The following MAST4 variants were observed in gnomAD, a reference collection of about 807,000 sequenced individuals.
MAST4 encodes microtubule associated serine/threonine kinase family member 4, also known as microtubule-associated serine/threonine-protein kinase 4.
In MAST4, 89 loss-of-function variants were observed where a neutral mutation model predicts 162.7. The ratio of observed to expected loss-of-function variants is 0.55; its 90% CI spans 0.46 to 0.65. The LOEUF is 0.65. Among genes scored for constraint, MAST4 ranks in the 30% least tolerant of loss-of-function variants. MAST4 has a pLI of 0.00. For synonymous variants in MAST4, 1,479 were observed against 1,361.1 expected, an observed-to-expected ratio of 1.09 and a Z score of -1.91; for missense variants, 3,153 against 3,374.0, an observed-to-expected ratio of 0.93 and a Z score of 1.62.
chr5:66,909,216 T>C (rs1394863549), intron 4 of MAST4, among the ~76,000 whole-genome samples: 3 of 152,140 alleles, frequency 2.0e-5, no homozygotes, highest in African/African-American at 2.4e-5. Context: ...CTTTCACTTG[T>C]ACCCTGCGTT....
intron 1 of MAST4, among the ~76,000 whole-genome samples, chr5:66,690,324 G>C (rs1748959230): frequency 6.6e-6 from 1 of 152,076 alleles, no homozygotes; most frequent in Non-Finnish European, 1.5e-5. Flanking sequence ...AAGTATTGTA[G>C]GATTCTAAAA....
Position 66,596,719 on chromosome 5 carries a change from C to A in MAST4, c.64C>A (p.Arg22=). 6.9e-7 allele frequency: 1 copy of A among 1,440,366 alleles called. No individual in the cohort carries two copies. The highest frequency in any genetic ancestry group is 1.9e-4 in the Middle Eastern group (1 of 5,274). The allele number at this position is 1,440,366 out of a possible 1,614,324, so 89.2% of individuals were successfully genotyped here. A position where few individuals can be genotyped will look rare whatever the true frequency, so the allele number is the denominator to read the frequency against. Residue 22 remains arginine, a synonymous_variant, in exon 1 of 29, where the codon CGG becomes AGG. Coordinates refer to ENST00000403625, the MANE Select transcript of MAST4 (RefSeq NM_001164664.2). ...VPRGCSGHGS[R]TPASALVAAS... is the part of the protein sequence containing the mutation. Reference sequence around the variant, plus strand: ...CCGCGGCTGCAGTGGCCACGGCAGCCGGACTCCAGCCTCTGCGCTGGTCGC... The same window carrying A: ...CCGCGGCTGCAGTGGCCACGGCAGCAGGACTCCAGCCTCTGCGCTGGTCGC...
At chr5:67,090,358 T>C (rs1162650735) in intron 6 of MAST4, 127 bp downstream of exon 6, 4 of 321,270 alleles carry the variant, frequency 1.2e-5, no homozygotes, top group Non-Finnish European at 2.2e-5. Flanking sequence ...CACTTCCCCT[T>C]CCCCCCACTT....
intron 4 of MAST4, among the ~76,000 whole-genome samples, chr5:66,951,584 T>G (rs989666873): frequency 1.3e-5 from 2 of 149,384 alleles, no homozygotes; most frequent in Non-Finnish European, 3.0e-5. Flanking sequence ...GGCCATTATT[T>G]TGCCTCCCAT....
chr5:67,116,290 C>T (rs541012927), intron 12 of MAST4, among the ~76,000 whole-genome samples: 2 of 152,068 alleles, frequency 1.3e-5, no homozygotes, highest in Non-Finnish European at 2.9e-5. Flanking sequence ...ACTGCAACCT[C>T]CGTCTCCTCA....
intron 3 of MAST4, among the ~76,000 whole-genome samples, chr5:66,853,716 G>A (rs982734387): frequency 3.3e-5 from 5 of 152,292 alleles, no homozygotes; most frequent in Admixed American, 3.3e-4. Flanking sequence ...TTTTCTGCCT[G>A]TGGGAATAGT....
chr5:67,039,570 TG>T (rs1344326264), intron 4 of MAST4, among the ~76,000 whole-genome samples: 1 of 152,180 alleles, frequency 6.6e-6, no homozygotes, highest in African/African-American at 2.4e-5. Context: ...TAGGGACGAA[TG>T]AGTTCCTCTC....
intron 1 of MAST4, among the ~76,000 whole-genome samples, chr5:66,750,708 G>A (rs1003251410): frequency 1.2e-4 from 19 of 152,170 alleles, no homozygotes; most frequent in Admixed American, 2.0e-4. Context: ...AGGCGGTAGC[G>A]AGGCTGGGGG....
chr5:66,911,286 A>T (rs930171117), intron 4 of MAST4, among the ~76,000 whole-genome samples: 3 of 152,212 alleles, frequency 2.0e-5, no homozygotes, highest in African/African-American at 7.2e-5. Flanking sequence ...ATGAGAGGAA[A>T]AAGTTTTACT....
intron 4 of MAST4, among the ~76,000 whole-genome samples, chr5:66,939,177 T>A (rs959883302): frequency 3.9e-5 from 6 of 152,042 alleles, no homozygotes; most frequent in Non-Finnish European, 8.8e-5. Context: ...ATCAGAGAAT[T>A]GAAATTTGTG....
chr5:67,087,200 C>G (rs1264926039), intron 5 of MAST4, among the ~76,000 whole-genome samples: 1 of 152,148 alleles, frequency 6.6e-6, no homozygotes, highest in Non-Finnish European at 1.5e-5. Context: ...AGTCATTTTC[C>G]CAATCTACCC....
intron 4 of MAST4, among the ~76,000 whole-genome samples, chr5:66,919,969 C>T (rs988464462): frequency 1.4e-3 from 69 of 50,230 alleles, no homozygotes; most frequent in Middle Eastern, 0.014. Context: ...TCCTTCCTTC[C>T]TTCCTTCTTT....
chr5:66,624,156 T>TTTTTTTG (rs1554036275), intron 1 of MAST4, among the ~76,000 whole-genome samples: 39 of 137,688 alleles, frequency 2.8e-4, no homozygotes, highest in Admixed American at 2.5e-3. Context: ...GTTTTTTTTT[T>TTTTTTTG]TTTTTTTTTT....
chr5:66,879,829 T>C (rs1761573658), intron 3 of MAST4, among the ~76,000 whole-genome samples: 1 of 152,190 alleles, frequency 6.6e-6, no homozygotes, highest in Admixed American at 6.5e-5. Context: ...TTCTTACTTA[T>C]AATTCTGGTG....
At chr5:66,743,469 G>A (rs1752582395) in intron 1 of MAST4, among the ~76,000 whole-genome samples, 1 of 152,220 alleles carries the variant, frequency 6.6e-6, no homozygotes, top group Non-Finnish European at 1.5e-5. Flanking sequence ...CTAAGTTCCT[G>A]CGTGCCTCCC....
At chr5:66,598,893 A>G (rs905736732) in intron 1 of MAST4, among the ~76,000 whole-genome samples, 2 of 152,114 alleles carry the variant, frequency 1.3e-5, no homozygotes, top group Non-Finnish European at 2.9e-5. Context: ...GCTTTGTTGG[A>G]AGTGGATATA....
intron 4 of MAST4, among the ~76,000 whole-genome samples, chr5:66,983,220 A>T (rs7730858): frequency 0.011 from 1,716 of 152,276 alleles, 26 homozygotes; most frequent in African/African-American, 0.039. Context: ...TGCTCTAGGC[A>T]GCATTTGTGG....
intron 4 of MAST4, among the ~76,000 whole-genome samples, chr5:66,944,634 T>C (rs1743769236): frequency 6.6e-6 from 1 of 152,126 alleles, no homozygotes; most frequent in South Asian, 2.1e-4. Context: ...TAGAAACACA[T>C]AGACTTATAC....
chr5:66,899,868 A>G (rs1762898212), intron 3 of MAST4, 83 bp from the exon 4 acceptor site: 4 of 1,087,680 alleles, frequency 3.7e-6, no homozygotes, highest in Non-Finnish European at 5.1e-6. Context: ...GAAGGATGAT[A>G]CATTCTACGT....
Sources: allele counts gnomAD v4.1 joint callset (sites outside exome capture counted in the v4.1 genomes callset), GRCh38; gene constraint gnomAD v4.1.1; transcripts MANE v1.5; gene names NCBI Gene and HGNC (gene_info 2026-07-23, HGNC 2026-07-21).